The following NOL4L variants were observed in gnomAD, a reference collection of about 807,000 sequenced individuals.
NOL4L encodes the protein nucleolar protein 4 like.
Under a neutral mutation model 64.5 loss-of-function variants are expected in NOL4L, and 7 were observed. That is an observed-to-expected ratio of 0.11 (90% confidence interval 0.06 to 0.20). The LOEUF is 0.20. NOL4L is among the 10% of genes least tolerant of loss of function. NOL4L has a pLI of 1.00. For missense variants in NOL4L, 680 were observed against 967.1 expected (o/e 0.70, Z 3.94); for synonymous variants, 413 against 401.0 (o/e 1.03, Z -0.36).
In NOL4L at chr20:32,459,423, G is replaced by T. The variant is rs1002274812; in HGVS notation, c.842-3028C>A. 5.2e-5 allele frequency among the ~76,000 whole-genome samples: 7 copies of T among 134,118 alleles called. No homozygotes were observed. The Admixed American group carries it at 5.7e-4, about 11-fold the overall frequency. The allele number at this position is 134,118 out of a possible 152,430, so 88.0% of individuals were successfully genotyped here. A position where few individuals can be genotyped will look rare whatever the true frequency, so the allele number is the denominator to read the frequency against. On this transcript the variant is annotated intron_variant, in intron 5 of 10. Coordinates refer to ENST00000621426, the MANE Select transcript of NOL4L (RefSeq NM_001256798.2). Reference sequence around the variant, plus strand: ...TTTGAGATGGAGTTTCACTCTTCCTGCCCAGGCTGGAGTGCAATGGGGCGA... The same window carrying T: ...TTTGAGATGGAGTTTCACTCTTCCTTCCCAGGCTGGAGTGCAATGGGGCGA...
chr20:32,494,816 C>T (rs1156841170), intron 4 of NOL4L, among the ~76,000 whole-genome samples: 1 of 152,220 alleles, frequency 6.6e-6, no homozygotes, highest in Non-Finnish European at 1.5e-5. Flanking sequence ...GACACCAACC[C>T]AACATTGCAA....
At chr20:32,584,492 A>G (rs1980764423) in intron 1 of NOL4L, 78 bp downstream of exon 1, 3 of 1,115,986 alleles carry the variant, frequency 2.7e-6, no homozygotes, top group Non-Finnish European at 3.5e-6. Context: ...ACACACATCC[A>G]CACCCCCACC....
intron 1 of NOL4L, among the ~76,000 whole-genome samples, chr20:32,534,178 T>C (rs1440684417): frequency 6.6e-6 from 1 of 152,132 alleles, no homozygotes; most frequent in Non-Finnish European, 1.5e-5. Flanking sequence ...TGCGGCTAAA[T>C]AGCGGAGACA....
At position 32,556,284 on chromosome 20, in the gene NOL4L, G is replaced by C. The variant is rs567300168; in HGVS notation, c.321+28286C>G. ...CAAATATTTCCTTTGTGGGGGGGGG[G>C]GGTTTCCCTGGAGCCCCTCAGCTCT... On this transcript the variant is annotated intron_variant, in intron 1 of 10. Transcript: ENST00000621426. Among the ~76,000 whole-genome samples the C allele has an allele frequency of 3.8e-3, 577 of 152,080 alleles. 5 individuals carry two copies. The highest frequency in any genetic ancestry group is 0.013 in the African/African-American group (557 of 41,470).
intron 1 of NOL4L, among the ~76,000 whole-genome samples, chr20:32,571,001 C>A (rs1417197999): frequency 6.6e-6 from 1 of 152,094 alleles, no homozygotes; most frequent in Non-Finnish European, 1.5e-5. Flanking sequence ...GTCCAAGCCA[C>A]ACAGCGACTA....
intron 1 of NOL4L, among the ~76,000 whole-genome samples, chr20:32,546,773 T>C (rs2018738645): frequency 6.6e-6 from 1 of 152,096 alleles, no homozygotes; most frequent in African/African-American, 2.4e-5. Flanking sequence ...GGGCAAGACA[T>C]AGGTGGGACA....
chr20:32,497,646 C>T (rs2016747993), intron 4 of NOL4L, among the ~76,000 whole-genome samples: 1 of 152,150 alleles, frequency 6.6e-6, no homozygotes, highest in Non-Finnish European at 1.5e-5. Flanking sequence ...TAGGCTGTGG[C>T]GGTCACAAGG....
At chr20:32,524,607 AAC>A (rs2018061738) in intron 2 of NOL4L, among the ~76,000 whole-genome samples, 1 of 152,154 alleles carries the variant, frequency 6.6e-6, no homozygotes, top group Admixed American at 6.5e-5. Context: ...GCGTTGGCAA[AAC>A]ACAGAGATAG....
chr20:32,514,708 AT>A (rs1228357154), intron 3 of NOL4L, among the ~76,000 whole-genome samples: 1 of 152,042 alleles, frequency 6.6e-6, no homozygotes, highest in East Asian at 1.9e-4. Context: ...AGCCCCATAC[AT>A]TGACCGGGTC....
chr20:32,540,224 G>A (rs2018629675), intron 1 of NOL4L, among the ~76,000 whole-genome samples: 1 of 152,094 alleles, frequency 6.6e-6, no homozygotes, highest in African/African-American at 2.4e-5. Context: ...TGTCCCTCTG[G>A]GCCCAGACAG....
intron 3 of NOL4L, among the ~76,000 whole-genome samples, chr20:32,515,049 G>A (rs536274730): frequency 6.6e-6 from 1 of 152,310 alleles, no homozygotes; most frequent in Middle Eastern, 3.4e-3. Context: ...TGTCATGACT[G>A]TTCATGAGAA....
At chr20:32,502,921 A>G (rs1383066940) in intron 4 of NOL4L, among the ~76,000 whole-genome samples, 8 of 152,238 alleles carry the variant, frequency 5.3e-5, no homozygotes, top group Non-Finnish European at 1.5e-5. Flanking sequence ...AAAATAAAAA[A>G]TAAACATAAA....
At chr20:32,561,301 G>C (rs1012419503) in intron 1 of NOL4L, 1 of 152,262 alleles carries the variant, frequency 6.6e-6, no homozygotes, top group Non-Finnish European at 1.5e-5. Context: ...AACCTGCAGC[G>C]GGAAGTCAGC....
Position 32,453,843 on chromosome 20 carries a change from G to C in NOL4L, c.1120-82C>G, listed in dbSNP as rs2013192528. 1.6e-5 allele frequency: 22 copies of C among 1,384,596 alleles called. No homozygotes were observed. The highest frequency in any genetic ancestry group is 2.1e-5 in the Non-Finnish European group (21 of 1,010,702). 85.8% of individuals were successfully genotyped at this position (1,384,596 alleles called of 1,614,324 possible). ...GGGTCTCCTACAGGCGGTGAGCTTG[G>C]GGACCAGGGTGGCACGCATGCCCTG... On this transcript the variant is annotated intron_variant, in intron 6 of 10. Transcript: ENST00000621426. This position sits in a 1 kb window ranked among gnomAD's most constrained non-coding sequence, Gnocchi z 5.6.
Position 32,453,617 on chromosome 20 carries a change from C to A in NOL4L, c.1264G>T (p.Asp422Tyr). ...CGCTCAGGGTCCATGCCTTCAGAGT[C>A]GTTCATCTTGTCATTGTCCTCATGG... Reference protein sequence around the residue: ...DDHEDNDKMNDSEGMDPERLK... With the variant: ...DDHEDNDKMNYSEGMDPERLK... Residue 422 changes from aspartate (D) to tyrosine (Y), a missense_variant, in exon 7 of 11, where the codon GAC (aspartate) becomes TAC (tyrosine). By Grantham distance (160) the Asp-to-Tyr change is radical. Around this residue, in one of 4 missense-constraint regions of NOL4L, gnomAD observed 70 missense variants for 166.1 expected, o/e 0.42. Transcript: ENST00000621426. This position sits in a 1 kb window ranked among gnomAD's most constrained non-coding sequence, Gnocchi z 5.6. The A allele has an allele frequency of 6.2e-7, 1 of 1,612,932 alleles. No individual in the cohort carries two copies. Among genetic ancestry groups the A allele is most frequent in the South Asian group, 1.1e-5 (1 of 90,888 alleles).
At chr20:32,563,055 G>A (rs1979155876) in intron 1 of NOL4L, among the ~76,000 whole-genome samples, 1 of 57,216 alleles carries the variant, frequency 1.7e-5, no homozygotes, top group Non-Finnish European at 3.6e-5. Context: ...GTGGAAGGAG[G>A]GAGAGTGGAG....
In NOL4L at chr20:32,452,286, C is replaced by T; in HGVS notation, c.1772G>A (p.Ser591Asn). ...NYSYRGYGAL[S>N]SNLQPPASLQ... ...GGAGGCAGGGGGCTGCAGGTTGCTG[C>T]TCAAGGCCCCGTACCCGCGGTAACT... Residue 591 changes from serine to asparagine, a missense_variant, in exon 10 of 11, where the codon AGC (serine) becomes AAC (asparagine). Ser to Asn is a conservative substitution (Grantham distance 46). Around this residue, in one of 4 missense-constraint regions of NOL4L, gnomAD observed 175 missense variants for 227.0 expected, o/e 0.77. Coordinates refer to ENST00000621426, the MANE Select transcript of NOL4L (RefSeq NM_001256798.2). 2 of 1,603,184 alleles carry T rather than the reference C, an allele frequency of 1.2e-6. No homozygotes were observed. The highest frequency in any genetic ancestry group is 1.1e-5 in the South Asian group (1 of 89,362).
chr20:32,562,252 C>A (rs1395582936), intron 1 of NOL4L, among the ~76,000 whole-genome samples: 2 of 152,142 alleles, frequency 1.3e-5, no homozygotes, highest in East Asian at 1.9e-4. Flanking sequence ...CTTCCACCCC[C>A]CACCCGCCCA....
chr20:32,498,755 C>T (rs1227707106), intron 4 of NOL4L, among the ~76,000 whole-genome samples: 3 of 130,656 alleles, frequency 2.3e-5, no homozygotes, highest in African/African-American at 9.5e-5. Flanking sequence ...GGGAGTGAGA[C>T]CCTGTCTCAA....
Sources: gnomAD v4.1 joint callset for allele counts (sites outside exome capture counted in the v4.1 genomes callset) on GRCh38, gnomAD v4.1.1 for gene constraint, gnomAD v4.1.1 regional missense constraint, Gnocchi (gnomAD v3.1) non-coding constraint, MANE v1.5 for transcripts, NCBI Gene and HGNC (gene_info 2026-07-23, HGNC 2026-07-21) for gene names.